NOX3: variants seen among roughly 807,000 people sequenced by gnomAD.
NOX3 encodes NADPH oxidase 3.
Under a neutral mutation model 76.7 loss-of-function variants are expected in NOX3, and 74 were observed. The observed-to-expected ratio is 0.96, with a 90% CI of 0.80 to 1.17. The LOEUF (loss-of-function observed/expected upper bound fraction) is 1.17. Among genes scored for constraint, NOX3 ranks in the 50% most tolerant of loss-of-function variants. The probability of loss-of-function intolerance (pLI) is 0.00; values close to 1 mark genes in which losing one functional copy is unlikely to be tolerated. For missense variants in NOX3, 695 were observed against 703.3 expected, an observed-to-expected ratio of 0.99 and a Z score of 0.13; for synonymous variants, 263 against 261.1, an observed-to-expected ratio of 1.01 and a Z score of -0.07.
At chr6:155,408,754 G>A (rs1776501789) in intron 11 of NOX3, among the ~76,000 whole-genome samples, 3 of 152,186 alleles carry the variant, frequency 2.0e-5, no homozygotes, top group Admixed American at 6.5e-5. Context: ...TATACATACT[G>A]TGGAATACTA....
chr6:155,435,982 G>C lies in NOX3; in HGVS notation c.798+436C>G, dbSNP rs1162212897. On this transcript the variant is annotated intron_variant, in intron 7 of 13. Transcript: ENST00000159060. ...CCTTGAAGTTGTCAAAAGAAAGAAG[G>C]CAAGCTTATAAAGAAGCCCTGAGCC... Among the ~76,000 whole-genome samples the C allele has an allele frequency of 2.0e-5, 3 of 152,192 alleles. No homozygotes were observed. The East Asian group carries it at 5.8e-4, about 29-fold the overall frequency.
At chr6:155,421,920 A>G (rs921432876) in intron 10 of NOX3, among the ~76,000 whole-genome samples, 78 of 152,338 alleles carry the variant, frequency 5.1e-4, no homozygotes, top group African/African-American at 1.7e-3. Flanking sequence ...CAGATGTCCC[A>G]TGGTTTACAC....
At chr6:155,398,126 T>C (rs1779163987) in intron 12 of NOX3, among the ~76,000 whole-genome samples, 1 of 152,202 alleles carries the variant, frequency 6.6e-6, no homozygotes, top group South Asian at 2.1e-4. Flanking sequence ...TTCCAATCTC[T>C]AGTATAAGCT....
chr6:155,411,335 T>G lies in NOX3; in HGVS notation c.1334A>C (p.Asp445Ala). 1 of 1,613,854 alleles carries G rather than the reference T, an allele frequency of 6.2e-7. No homozygotes were observed. The highest frequency in any genetic ancestry group is 8.5e-7 in the Non-Finnish European group (1 of 1,179,858). Reference protein sequence around the residue: ...SKVYFYWICRDARAFEWFADL... With the variant: ...SKVYFYWICRAARAFEWFADL... ...AGCAAACCACTCAAAAGCTCTTGCATCCCGGCAAATCCAGTAGAAATACAC... is the reference window on the plus strand; with the variant it reads ...AGCAAACCACTCAAAAGCTCTTGCAGCCCGGCAAATCCAGTAGAAATACAC... The change falls in exon 11 of 14, where the codon GAT becomes GCT. Residue 445 changes from aspartate to alanine, a missense_variant. Asp to Ala is a moderately radical substitution (Grantham distance 126). Coordinates refer to ENST00000159060, the MANE Select transcript of NOX3 (RefSeq NM_015718.3).
chr6:155,422,469 T>G (rs529728769), intron 10 of NOX3, among the ~76,000 whole-genome samples: 1 of 152,322 alleles, frequency 6.6e-6, no homozygotes, highest in South Asian at 2.1e-4. Context: ...GTAATGGCAA[T>G]GAAGCAATAA....
intron 9 of NOX3, 111 bp from the exon 10 acceptor site, chr6:155,422,967 G>A: frequency 9.2e-7 from 1 of 1,085,376 alleles, no homozygotes; most frequent in Non-Finnish European, 1.4e-6. Flanking sequence ...AGTGCATGCA[G>A]AGGTTGACTC....
In NOX3 at chr6:155,422,874, T is replaced by G; in HGVS notation, c.1146-18A>C. 1 of 1,613,666 alleles carries G rather than the reference T, an allele frequency of 6.2e-7. No individual in the cohort carries two copies. Among genetic ancestry groups the G allele is most frequent in the South Asian group, 1.1e-5 (1 of 91,026 alleles). On this transcript the variant is annotated intron_variant, in intron 9 of 13. Coordinates refer to ENST00000159060, the MANE Select transcript of NOX3 (RefSeq NM_015718.3). ...CTGCCAGCCTGGAATCATAGAGGAA[T>G]GCAGCCTATTTGACCTTCAGAACAC...
At chr6:155,430,376 G>T (rs539802165) in intron 8 of NOX3, among the ~76,000 whole-genome samples, 1 of 152,142 alleles carries the variant, frequency 6.6e-6, no homozygotes, top group South Asian at 2.1e-4. Flanking sequence ...CTTCCCCACA[G>T]TGGTCCCTCT....
At chr6:155,434,976 T>C (rs944887475) in intron 7 of NOX3, among the ~76,000 whole-genome samples, 2 of 152,030 alleles carry the variant, frequency 1.3e-5, no homozygotes, top group African/African-American at 4.8e-5. Context: ...AGAGACCGAG[T>C]AGGTGTGGTG....
At chr6:155,399,114 T>A (rs939569938) in intron 12 of NOX3, among the ~76,000 whole-genome samples, 27 of 152,184 alleles carry the variant, frequency 1.8e-4, no homozygotes, top group African/African-American at 6.3e-4. Flanking sequence ...GGCGAGACCC[T>A]TCCCAGTGAG....
At chr6:155,399,080 AC>A (rs760024810) in intron 12 of NOX3, among the ~76,000 whole-genome samples, 2 of 152,218 alleles carry the variant, frequency 1.3e-5, no homozygotes, top group South Asian at 4.1e-4. Context: ...CTGGACTGAA[AC>A]ATTTTGAATG....
chr6:155,448,819 A>C (rs988564756), intron 4 of NOX3, among the ~76,000 whole-genome samples: 1 of 152,120 alleles, frequency 6.6e-6, no homozygotes, highest in Admixed American at 6.6e-5. Flanking sequence ...CAGTGATAAC[A>C]GTCATTTTGG....
At chr6:155,405,526 T>G (rs1465076931) in intron 12 of NOX3, among the ~76,000 whole-genome samples, 2 of 152,190 alleles carry the variant, frequency 1.3e-5, no homozygotes, top group African/African-American at 4.8e-5. Context: ...GCTTCTTATA[T>G]TCATCTGCCC....
At chr6:155,422,601 A>T (rs895130925) in intron 10 of NOX3, 93 bp downstream of exon 10, 4 of 1,221,936 alleles carry the variant, frequency 3.3e-6, no homozygotes, top group Middle Eastern at 2.0e-4. Flanking sequence ...CCTCATAGTT[A>T]ATTAAAATCC....
At chr6:155,449,253 G>C (rs549941361) in intron 4 of NOX3, among the ~76,000 whole-genome samples, 2 of 152,060 alleles carry the variant, frequency 1.3e-5, no homozygotes, top group South Asian at 4.2e-4. Context: ...AGCTGCACTC[G>C]GCTAATTGTT....
chr6:155,440,102 G>T lies in NOX3; in HGVS notation c.522C>A (p.Gly174=). The T allele has an allele frequency of 6.2e-7, 1 of 1,612,166 alleles. No homozygotes were observed. The highest frequency in any genetic ancestry group is 1.1e-5 in the South Asian group (1 of 90,570). The part of the protein sequence containing the change: ...TTTELLRTIA[G]VTGLVISLAL... ...CCAGAGAGATCACCAGACCGGTGACGCCTGCTATTGTCCTTAGCAATTCAG... is the reference window on the plus strand; with the variant it reads ...CCAGAGAGATCACCAGACCGGTGACTCCTGCTATTGTCCTTAGCAATTCAG... The change falls in exon 6 of 14, where the codon GGC becomes GGA. Residue 174 remains glycine, a synonymous_variant. Coordinates refer to ENST00000159060, the MANE Select transcript of NOX3 (RefSeq NM_015718.3).
intron 6 of NOX3, 65 bp downstream of exon 6, chr6:155,439,891 T>A (rs1257639054): frequency 3.3e-5 from 49 of 1,476,668 alleles, no homozygotes; most frequent in Non-Finnish European, 4.2e-5. Context: ...TCTAAAGGAC[T>A]TTCTAAGATT....
chr6:155,445,147 G>A (rs575004581), intron 4 of NOX3, among the ~76,000 whole-genome samples: 10 of 152,308 alleles, frequency 6.6e-5, no homozygotes, highest in Middle Eastern at 3.4e-3. Context: ...TGCTTTTCCT[G>A]CAAATGAAAC....
chr6:155,442,288 AAAAAT>A (rs529103618), intron 5 of NOX3, among the ~76,000 whole-genome samples: 31 of 152,118 alleles, frequency 2.0e-4, no homozygotes, highest in Admixed American at 4.6e-4. Flanking sequence ...AATAAAAATA[AAAAAT>A]AAAAGAAAAG....
Sources: allele counts gnomAD v4.1 joint callset (sites outside exome capture counted in the v4.1 genomes callset), GRCh38; gene constraint gnomAD v4.1.1; transcripts MANE v1.5; gene names NCBI Gene and HGNC (gene_info 2026-07-23, HGNC 2026-07-21).